Variants in SORD observed in about 807,000 individuals in gnomAD.
The protein encoded by SORD is sorbitol dehydrogenase.
Under a neutral mutation model 35.6 loss-of-function variants are expected in SORD, and 18 were observed. That is an observed-to-expected ratio of 0.51 (90% confidence interval 0.35 to 0.75). SORD has a LOEUF of 0.75. SORD is among the 30% of genes least tolerant of loss of function. The probability of loss-of-function intolerance (pLI) is 0.01; values close to 1 mark genes in which losing one functional copy is unlikely to be tolerated. For synonymous variants in SORD, 106 were observed against 152.9 expected, an observed-to-expected ratio of 0.69 and a Z score of 2.26; for missense variants, 250 against 390.2, an observed-to-expected ratio of 0.64 and a Z score of 3.03.
Position 45,069,058 on chromosome 15 carries a change from T to C in SORD, c.786+6T>C. On this transcript the variant is annotated splice_donor_region_variant and intron_variant, in intron 7 of 8. Coordinates refer to ENST00000267814, the MANE Select transcript of SORD (RefSeq NM_003104.6). The stretch of plus-strand genomic sequence containing the variant: ...CCATCCAGGCGGGCATCTACGTGAG[T>C]GGGCTGAGGGCAGCTTTGGGGAATC... 1 of 1,604,522 alleles carries C rather than the reference T, an allele frequency of 6.2e-7. No individual in the cohort carries two copies. Among genetic ancestry groups the C allele is most frequent in the Non-Finnish European group, 8.5e-7 (1 of 1,175,582 alleles).
chr15:45,054,619 T>G (rs1213736689), intron 3 of SORD, among the ~76,000 whole-genome samples: 3 of 151,974 alleles, frequency 2.0e-5, no homozygotes, highest in African/African-American at 7.2e-5. Context: ...GATGGTAGTT[T>G]CTTTTGCTGT....
intron 3 of SORD, among the ~76,000 whole-genome samples, chr15:45,044,856 C>G (rs1484437221): frequency 1.3e-5 from 2 of 152,012 alleles, no homozygotes; most frequent in Non-Finnish European, 2.9e-5. Context: ...CAGCACCATG[C>G]CTGGCTAATT....
At position 45,051,744 on chromosome 15, in the gene SORD, G is replaced by C. The variant is rs550830635; in HGVS notation, c.265+8323G>C. Among the ~76,000 whole-genome samples the C allele has an allele frequency of 2.1e-4, 32 of 152,240 alleles. No homozygotes were observed. In the South Asian group the frequency reaches 6.4e-3, roughly 31 times the overall value. On this transcript the variant is annotated intron_variant, in intron 3 of 8. Coordinates refer to ENST00000267814, the MANE Select transcript of SORD (RefSeq NM_003104.6). ...CCCCAACTTTTTTAATGAAACCTTA[G>C]AGATAATTCTATCAAATCTTACCCA...
intron 1 of SORD, among the ~76,000 whole-genome samples, chr15:45,037,193 ACTT>A (rs1323864733): frequency 7.2e-5 from 11 of 152,298 alleles, no homozygotes; most frequent in East Asian, 1.9e-4. Context: ...ATTTATTTGA[ACTT>A]CTCCATCAAG....
rs1595509461 is a variant in SORD at position 45,068,917 on chromosome 15, G to A, written c.651G>A (p.Gly217=). 3 of 1,575,582 alleles carry A rather than the reference G, an allele frequency of 1.9e-6. No homozygotes were observed. Among genetic ancestry groups the A allele is most frequent in the Admixed American group, 1.9e-5 (1 of 52,192 alleles). The change falls in exon 7 of 9, where the codon GGG becomes GGA. Residue 217 remains glycine, a synonymous_variant. Coordinates refer to ENST00000267814, the MANE Select transcript of SORD (RefSeq NM_003104.6). The part of the protein sequence containing the change: ...ATRLSKAKEI[G]ADLVLQISKE... The stretch of plus-strand genomic sequence containing the variant: ...GATTGTCCAAAGCCAAGGAGATTGG[G>A]GCTGATTTAGTCCTCCAGATCTCCA...
chr15:45,027,154 C>T (rs111498124), intron 1 of SORD, among the ~76,000 whole-genome samples: 29,335 of 147,032 alleles, frequency 0.2, no homozygotes, highest in African/African-American at 0.44. Context: ...TAAGGATTTT[C>T]GCTTTTCCCT....
intron 7 of SORD, among the ~76,000 whole-genome samples, chr15:45,071,426 A>C (rs1353130082): frequency 6.6e-6 from 1 of 152,084 alleles, no homozygotes; most frequent in African/African-American, 2.4e-5. Context: ...GCCTGTCTCC[A>C]TGGTGTATCC....
chr15:45,031,656 C>T (rs74011336), intron 1 of SORD, among the ~76,000 whole-genome samples: 30,388 of 149,140 alleles, frequency 0.2, 5 homozygotes, highest in African/African-American at 0.44. Context: ...AGGGTTTCAC[C>T]ATGTTGCCCA....
intron 1 of SORD, among the ~76,000 whole-genome samples, chr15:45,028,156 G>C (rs187560821): frequency 5.6e-4 from 85 of 152,248 alleles, no homozygotes; most frequent in African/African-American, 1.9e-3. Flanking sequence ...CAAAAATCCT[G>C]TCTCTACTAA....
At chr15:45,065,140 G>C in intron 4 of SORD, 131 bp from the exon 5 acceptor site, 1 of 771,248 alleles carries the variant, frequency 1.3e-6, no homozygotes, top group Non-Finnish European at 2.2e-6. Flanking sequence ...TTAGCACATT[G>C]CTCTGCACAT....
Position 45,072,544 on chromosome 15 carries a change from G to T in SORD, c.908+106G>T, listed in dbSNP as rs868424801. 108 of 446,398 alleles carry T rather than the reference G, an allele frequency of 2.4e-4. 3 individuals carry two copies. The highest frequency in any genetic ancestry group is 6.2e-4 in the Middle Eastern group (1 of 1,606). The allele number at this position is 446,398 out of a possible 1,614,324, so 27.7% of individuals were successfully genotyped here. On this transcript the variant is annotated intron_variant, in intron 8 of 8. Transcript: ENST00000267814. Reference sequence around the variant, plus strand: ...GTCTCTGCCTGTTTGTTCATGGGGGGCACTCCCTGGCCACACTGATAGCTG... The same window carrying T: ...GTCTCTGCCTGTTTGTTCATGGGGGTCACTCCCTGGCCACACTGATAGCTG...
At chr15:45,062,487 C>G (rs1218912305) in intron 4 of SORD, among the ~76,000 whole-genome samples, 1 of 151,940 alleles carries the variant, frequency 6.6e-6, no homozygotes, top group Non-Finnish European at 1.5e-5. Context: ...TGGTTTTCAG[C>G]CAGGATGGGG....
chr15:45,060,651 C>T lies in SORD; in HGVS notation c.266-416C>T, dbSNP rs766606219. Among the ~76,000 whole-genome samples, 321 of 151,214 alleles carry T rather than the reference C, an allele frequency of 2.1e-3. 1 individual carries two copies. Among genetic ancestry groups the T allele is most frequent in the African/African-American group, 6.1e-3 (249 of 40,548 alleles). On this transcript the variant is annotated intron_variant, in intron 3 of 8. Coordinates refer to ENST00000267814, the MANE Select transcript of SORD (RefSeq NM_003104.6). ...TCCAAACAGATGAAGAAAAAATGCC[C>T]GCAAACTCCATGTATTAGCTACCCC...
intron 3 of SORD, among the ~76,000 whole-genome samples, chr15:45,051,451 C>A (rs1893122354): frequency 6.6e-6 from 1 of 152,142 alleles, no homozygotes; most frequent in Non-Finnish European, 1.5e-5. Context: ...AAAAGACAAC[C>A]TTGAAACTGA....
intron 3 of SORD, chr15:45,058,398 C>A (rs1356649211): frequency 6.6e-6 from 1 of 152,148 alleles, no homozygotes; most frequent in Non-Finnish European, 1.5e-5. Flanking sequence ...CAAGCCTGTC[C>A]TCTGAGTCTT....
chr15:45,035,083 C>G (rs931301435), intron 1 of SORD, among the ~76,000 whole-genome samples: 1 of 152,142 alleles, frequency 6.6e-6, no homozygotes, highest in African/African-American at 2.4e-5. Context: ...GGGCAGGGCT[C>G]GGGACCTGCA....
chr15:45,030,639 A>G (rs1892765016), intron 1 of SORD, among the ~76,000 whole-genome samples: 1 of 152,282 alleles, frequency 6.6e-6, no homozygotes, highest in Admixed American at 6.5e-5. Flanking sequence ...TTTTTGCTCC[A>G]TATATAGAAC....
chr15:45,066,013 A>G lies in SORD; in HGVS notation c.544+624A>G, dbSNP rs568499104. ...CATCTCAGCACTTTGGAAGGCTGAG[A>G]CGGGTAGATCACTTGAGGCCAAAAG... On this transcript the variant is annotated intron_variant, in intron 5 of 8. Transcript: ENST00000267814. Among the ~76,000 whole-genome samples the G allele has an allele frequency of 2.6e-5, 4 of 152,140 alleles. No individual in the cohort carries two copies. In the East Asian group the frequency reaches 5.8e-4, roughly 22 times the overall value.
rs147059726 is a variant in SORD at position 45,029,832 on chromosome 15, T to G, written c.66+6483T>G. Among the ~76,000 whole-genome samples, 276 of 152,336 alleles carry G rather than the reference T, an allele frequency of 1.8e-3. No homozygotes were observed. The East Asian group carries it at 0.046, about 25-fold the overall frequency. The stretch of plus-strand genomic sequence containing the variant: ...GAGAGGGGATGGGAAGGGCAGGTCA[T>G]CTTCCCAGAAGTCAGGTTGTCTCCT... On this transcript the variant is annotated intron_variant, in intron 1 of 8. Coordinates refer to ENST00000267814, the MANE Select transcript of SORD (RefSeq NM_003104.6).
Sources: allele counts gnomAD v4.1 joint callset (sites outside exome capture counted in the v4.1 genomes callset), GRCh38; gene constraint gnomAD v4.1.1; transcripts MANE v1.5; gene names NCBI Gene and HGNC (gene_info 2026-07-23, HGNC 2026-07-21).